The following MROH2B variants were observed in gnomAD, a reference collection of about 807,000 sequenced individuals.
The protein encoded by MROH2B is maestro heat-like repeat-containing protein family member 2B.
A neutral mutation model predicts 208.6 loss-of-function variants in MROH2B; 177 were observed. The observed-to-expected ratio is 0.85, with a 90% CI of 0.75 to 0.96. MROH2B has a LOEUF of 0.96. MROH2B is among the 40% of genes least tolerant of loss of function. MROH2B has a pLI of 0.00. For synonymous variants in MROH2B, 728 were observed against 659.0 expected, an observed-to-expected ratio of 1.10 and a Z score of -1.60; for missense variants, 2,002 against 1,878.7, an observed-to-expected ratio of 1.07 and a Z score of -1.21.
At chr5:41,060,378 T>TA (rs1238230490) in intron 6 of MROH2B, among the ~76,000 whole-genome samples, 3 of 152,044 alleles carry the variant, frequency 2.0e-5, no homozygotes, top group African/African-American at 7.2e-5. Flanking sequence ...TCTTGTTTAT[T>TA]AAAAAAAAGT....
chr5:41,064,331 T>C (rs1743731625), intron 5 of MROH2B, 141 bp downstream of exon 5: 1 of 622,958 alleles, frequency 1.6e-6, no homozygotes, highest in Non-Finnish European at 2.8e-6. Context: ...ACTTTCCATG[T>C]GGTAGGCACT....
intron 35 of MROH2B, 42 bp downstream of exon 35, chr5:41,005,489 T>C: frequency 1.6e-6 from 2 of 1,247,640 alleles, no homozygotes; most frequent in African/African-American, 1.6e-5. Context: ...AAATACCCTA[T>C]GGGGACCCAG....
chr5:41,000,979 A>G (rs1741381690), intron 37 of MROH2B, 146 bp from the exon 38 acceptor site: 4 of 905,778 alleles, frequency 4.4e-6, no homozygotes, highest in Non-Finnish European at 6.5e-6. Flanking sequence ...CGGCCTCTAA[A>G]TGTTCCAAGA....
chr5:41,067,364 C>CT (rs112350392), intron 2 of MROH2B, 146 bp from the exon 3 acceptor site: 6,014 of 501,378 alleles, frequency 0.012, no homozygotes, highest in East Asian at 0.017. Context: ...TTGAGGCTTT[C>CT]TTTTTTTTTT....
intron 21 of MROH2B, among the ~76,000 whole-genome samples, chr5:41,037,390 G>A (rs1341641064): frequency 6.6e-6 from 1 of 152,168 alleles, no homozygotes; most frequent in Non-Finnish European, 1.5e-5. Flanking sequence ...GGGGGCATCA[G>A]AATCAACTCT....
At chr5:41,031,626 G>T (rs1422170056) in intron 24 of MROH2B, among the ~76,000 whole-genome samples, 1 of 151,998 alleles carries the variant, frequency 6.6e-6, no homozygotes, top group Admixed American at 6.6e-5. Context: ...GACGGTACAT[G>T]TGTGGGTTTG....
At chr5:40,999,416 G>A (rs570556016) in intron 40 of MROH2B, among the ~76,000 whole-genome samples, 24 of 152,296 alleles carry the variant, frequency 1.6e-4, no homozygotes, top group Non-Finnish European at 2.9e-4. Flanking sequence ...CAAGGACTTG[G>A]AGCCAGAAGG....
Position 41,067,192 on chromosome 5 carries a change from A to G in MROH2B, c.117T>C (p.Ser39=). 1 of 1,553,400 alleles carries G rather than the reference A, an allele frequency of 6.4e-7. No individual in the cohort carries two copies. Among genetic ancestry groups the G allele is most frequent in the Non-Finnish European group, 8.7e-7 (1 of 1,146,938 alleles). ...NKEDIYSHLT[S]VIQNTDILDD... ...CCAAGATGTCAGTATTCTGAATAAC[A>G]GAAGTGAGATGACTGTAAATGTCTT... The change falls in exon 3 of 42, where the codon TCT becomes TCC. Residue 39 remains serine (S), a synonymous_variant. Transcript: ENST00000399564.
rs866872502 is a variant in MROH2B at position 41,067,193 on chromosome 5, G to A, written c.116C>T (p.Ser39Phe). ...CAAGATGTCAGTATTCTGAATAACA[G>A]AAGTGAGATGACTGTAAATGTCTTC... ...NKEDIYSHLT[S>F]VIQNTDILDD... The change falls in exon 3 of 42, where the codon TCT becomes TTT. Residue 39 changes from serine (S) to phenylalanine (F), a missense_variant. Ser to Phe is a radical substitution (Grantham distance 155, BLOSUM62 -2). Transcript: ENST00000399564. 1.3e-6 allele frequency: 2 copies of A among 1,552,540 alleles called. No individual in the cohort carries two copies. Among genetic ancestry groups the A allele is most frequent in the Non-Finnish European group, 1.7e-6 (2 of 1,146,392 alleles).
chr5:41,018,029 T>G, intron 27 of MROH2B, 59 bp from the exon 28 acceptor site: 1 of 1,521,078 alleles, frequency 6.6e-7, no homozygotes, highest in Non-Finnish European at 8.8e-7. Context: ...TCCCAGGATG[T>G]TCCCAACACT....
intron 2 of MROH2B, 71 bp from the exon 3 acceptor site, chr5:41,067,289 A>C (rs1292946565): frequency 6.5e-6 from 5 of 773,146 alleles, no homozygotes; most frequent in African/African-American, 1.7e-5. Flanking sequence ...AATCCTAATG[A>C]ATAACACCAT....
chr5:41,005,689 T>G, intron 34 of MROH2B, 44 bp from the exon 35 acceptor site: 1 of 1,448,166 alleles, frequency 6.9e-7, no homozygotes, highest in Non-Finnish European at 9.5e-7. Flanking sequence ...TACTAAACAA[T>G]GGAGGAAATC....
chr5:41,003,455 T>A (rs1437302369), intron 37 of MROH2B, among the ~76,000 whole-genome samples: 1 of 151,724 alleles, frequency 6.6e-6, no homozygotes, highest in Non-Finnish European at 1.5e-5. Flanking sequence ...AGGGCAAAAT[T>A]AAAAAAAATA....
intron 28 of MROH2B, among the ~76,000 whole-genome samples, chr5:41,017,440 T>A (rs1741991600): frequency 6.6e-6 from 1 of 152,222 alleles, no homozygotes. Flanking sequence ...GCATTGCTAA[T>A]ATGCCCAATT....
rs779428492 is a variant in MROH2B, at chr5:41,033,811, ATCTATCTATC to A, written c.2241+17_2241+26del. On this transcript the variant is annotated intron_variant, in intron 22 of 41. Coordinates refer to ENST00000399564, the MANE Select transcript of MROH2B (RefSeq NM_173489.5). Reference sequence around the variant, plus strand: ...TATCTATCTATCTATCTATCTATCTATCTATCTATCTATCTATCTCTCCTACCTTGTTCAT... The same window carrying A: ...TATCTATCTATCTATCTATCTATCTATATCTATCTCTCCTACCTTGTTCAT... 0.011 allele frequency: 10,833 copies of A among 1,011,424 alleles called. 391 individuals are homozygous for A. The highest frequency in any genetic ancestry group is 0.012 in the Non-Finnish European group (9,192 of 743,338). 62.7% of individuals were successfully genotyped at this position (1,011,424 alleles called of 1,614,324 possible). A position where few individuals can be genotyped will look rare whatever the true frequency, so the allele number is the denominator to read the frequency against.
At chr5:41,022,841 G>A (rs984956522) in intron 24 of MROH2B, among the ~76,000 whole-genome samples, 11 of 152,150 alleles carry the variant, frequency 7.2e-5, no homozygotes, top group African/African-American at 2.2e-4. Context: ...CCTCTGAGAC[G>A]AAGCTTCCAG....
intron 10 of MROH2B, 104 bp from the exon 11 acceptor site, chr5:41,054,944 C>A (rs1743397871): frequency 1.1e-5 from 8 of 751,682 alleles, no homozygotes; most frequent in Non-Finnish European, 1.4e-5. Context: ...ATTGTGAAAT[C>A]TCTTGTTTTT....
intron 13 of MROH2B, among the ~76,000 whole-genome samples, chr5:41,049,765 T>C (rs1248586688): frequency 6.6e-6 from 1 of 152,180 alleles, no homozygotes; most frequent in African/African-American, 2.4e-5. Flanking sequence ...AGTATTCCTC[T>C]TGTCAATGTG....
At chr5:41,039,618 T>C in intron 19 of MROH2B, 63 bp from the exon 20 acceptor site, 2 of 1,162,084 alleles carry the variant, frequency 1.7e-6, no homozygotes, top group Admixed American at 2.3e-5. Flanking sequence ...AAATATTTAC[T>C]GAGCACCTAT....
Sources: gnomAD v4.1 joint callset for allele counts (sites outside exome capture counted in the v4.1 genomes callset) on GRCh38, gnomAD v4.1.1 for gene constraint, MANE v1.5 for transcripts, NCBI Gene and HGNC (gene_info 2026-07-23, HGNC 2026-07-21) for gene names.